Variants in BRI3BP observed in about 807,000 individuals in gnomAD.
BRI3BP encodes BRI3 binding protein.
A neutral mutation model predicts 15.8 loss-of-function variants in BRI3BP; 7 were observed. That is an observed-to-expected ratio of 0.44 (90% CI 0.25 to 0.83). BRI3BP has a LOEUF of 0.83. BRI3BP is among the 40% of genes least tolerant of loss of function. The pLI is 0.20. For synonymous variants in BRI3BP, 192 were observed against 163.5 expected, an observed-to-expected ratio of 1.17 and a Z score of -1.33; for missense variants, 320 against 339.3, an observed-to-expected ratio of 0.94 and a Z score of 0.45.
chr12:125,032,415 G>A (rs1248445520), downstream of BRI3BP, among the ~76,000 whole-genome samples: 23 of 151,698 alleles, frequency 1.5e-4, no homozygotes, highest in Admixed American at 1.5e-3. Context: ...CTGAAATCGC[G>A]CCACTGCACT....
intron 1 of BRI3BP, among the ~76,000 whole-genome samples, chr12:125,000,895 A>G (rs1442696286): frequency 1.3e-5 from 2 of 152,316 alleles, no homozygotes; most frequent in African/African-American, 4.8e-5. Flanking sequence ...AATATAGTAC[A>G]GTATTTTGTA....
intron 1 of BRI3BP, among the ~76,000 whole-genome samples, chr12:125,003,332 A>C (rs139715284): frequency 6.6e-6 from 1 of 152,192 alleles, no homozygotes; most frequent in Non-Finnish European, 1.5e-5. Context: ...CCCAGGCTTG[A>C]AGCAATCTTG....
intron 2 of BRI3BP, among the ~76,000 whole-genome samples, chr12:125,014,284 C>T (rs563142522): frequency 6.6e-6 from 1 of 152,298 alleles, no homozygotes; most frequent in South Asian, 2.1e-4. Context: ...TTTCCAGCCC[C>T]ACCGCCCTGG....
intron 1 of BRI3BP, among the ~76,000 whole-genome samples, chr12:125,008,607 G>A (rs1955170014): frequency 6.6e-6 from 1 of 151,658 alleles, no homozygotes; most frequent in African/African-American, 2.4e-5. Context: ...CACCACGCCT[G>A]GCCACCCTCC....
chr12:125,011,508 C>A (rs1478550667), intron 1 of BRI3BP, among the ~76,000 whole-genome samples: 1 of 152,114 alleles, frequency 6.6e-6, no homozygotes, highest in African/African-American at 2.4e-5. Context: ...ATCTCCAAGA[C>A]AGAGTGTTGC....
chr12:125,032,620 T>G (rs994469968), downstream of BRI3BP, among the ~76,000 whole-genome samples: 1 of 151,912 alleles, frequency 6.6e-6, no homozygotes, highest in Non-Finnish European at 1.5e-5. Flanking sequence ...GTAAATAAAT[T>G]AGTTGGGTGC....
chr12:125,022,541 A>ATTTATTTTTATTTTTATTT, intron 2 of BRI3BP, among the ~76,000 whole-genome samples: 1 of 139,404 alleles, frequency 7.2e-6, no homozygotes, highest in South Asian at 2.2e-4. Context: ...TTATTTATTT[A>ATTTATTTTTATTTTTATTT]TTTTTTGAGA....
intron 2 of BRI3BP, among the ~76,000 whole-genome samples, chr12:125,022,541 A>ATTTATTTTTTTTTT: frequency 5.0e-5 from 7 of 139,402 alleles, no homozygotes; most frequent in Non-Finnish European, 9.1e-5. Flanking sequence ...TTATTTATTT[A>ATTTATTTTTTTTTT]TTTTTTGAGA....
chr12:125,002,458 T>A (rs1446051765), intron 1 of BRI3BP, among the ~76,000 whole-genome samples: 2 of 146,576 alleles, frequency 1.4e-5, no homozygotes, highest in Non-Finnish European at 3.0e-5. Flanking sequence ...TTTTTTTTGT[T>A]TTGTTTTTTT....
chr12:125,006,881 C>T (rs1955148651), intron 1 of BRI3BP, among the ~76,000 whole-genome samples: 1 of 152,156 alleles, frequency 6.6e-6, no homozygotes, highest in Non-Finnish European at 1.5e-5. Flanking sequence ...TTCTTTTTCC[C>T]TCCATTTGAA....
rs10572574 is a variant in BRI3BP at position 125,029,360 on chromosome 12, C to CAAAAAAAAAAAAA, written c.*3941_*3953dup. The CAAAAAAAAAAAAA allele has an allele frequency of 2.5e-5, 2 of 78,688 alleles. No homozygotes were observed. The highest frequency in any genetic ancestry group is 5.0e-4 in the South Asian group (1 of 1,998). The allele number at this position is 78,688 out of a possible 1,614,324, so 4.9% of individuals were successfully genotyped here. A position where few individuals can be genotyped will look rare whatever the true frequency, so the allele number is the denominator to read the frequency against. ...GAAATCCCGTCTCTACCAAAAAATACAAAAAAAAAAAAAAAAAAAAAAATA... is the reference window on the plus strand; with the variant it reads ...GAAATCCCGTCTCTACCAAAAAATACAAAAAAAAAAAAAAAAAAAAAAAAAAAAAAAAAAAATA... On this transcript the variant is annotated 3_prime_UTR_variant, in exon 3 of 3. Transcript: ENST00000341446.
chr12:125,037,570 G>T, the BRI3BP span, among the ~76,000 whole-genome samples: 1 of 151,914 alleles, frequency 6.6e-6, no homozygotes, highest in East Asian at 2.0e-4. Flanking sequence ...CCGGCACTTT[G>T]GGAGGCCAAG....
chr12:124,999,693 C>T (rs571413474), intron 1 of BRI3BP, among the ~76,000 whole-genome samples: 4 of 150,724 alleles, frequency 2.7e-5, no homozygotes, highest in African/African-American at 4.9e-5. Flanking sequence ...TTTCGGCTCA[C>T]TGCAAGCTCC....
the BRI3BP span, among the ~76,000 whole-genome samples, chr12:125,048,726 T>TA: frequency 5.3e-4 from 78 of 147,058 alleles, 1 homozygote; most frequent in Middle Eastern, 7.0e-3. Context: ...AAATAATAAT[T>TA]AAAAAAAAAA....
chr12:124,997,366 C>G (rs549775775), intron 1 of BRI3BP, among the ~76,000 whole-genome samples: 2 of 151,398 alleles, frequency 1.3e-5, no homozygotes, highest in East Asian at 3.9e-4. Context: ...CAGGCAGATG[C>G]CACCACGACC....
At chr12:125,002,276 GA>G (rs1411734960) in intron 1 of BRI3BP, among the ~76,000 whole-genome samples, 1 of 151,776 alleles carries the variant, frequency 6.6e-6, no homozygotes, top group Non-Finnish European at 1.5e-5. Context: ...ACACTTTGGG[GA>G]ACCGTCACCC....
Position 125,029,569 on chromosome 12 carries a change from TA to T in BRI3BP, c.*4140del, listed in dbSNP as rs1333829233. On this transcript the variant is annotated 3_prime_UTR_variant, in exon 3 of 3. Transcript: ENST00000341446. ...AAGTGTGTGTGTGTGTATATATATG[TA>T]TATATATATACACACACACACACTT... is the stretch of plus-strand genomic sequence containing the variant. 1.4e-5 allele frequency: 2 copies of T among 138,022 alleles called. No homozygotes were observed. Among genetic ancestry groups the T allele is most frequent in the Non-Finnish European group, 3.0e-5 (2 of 66,796 alleles). 8.5% of individuals were successfully genotyped at this position (138,022 alleles called of 1,614,324 possible). A position where few individuals can be genotyped will look rare whatever the true frequency, so the allele number is the denominator to read the frequency against.
the BRI3BP span, among the ~76,000 whole-genome samples, chr12:125,042,625 C>G: frequency 6.6e-6 from 1 of 151,976 alleles, no homozygotes; most frequent in African/African-American, 2.4e-5. Flanking sequence ...ACCTCTGCCT[C>G]CTGGGTTCAA....
intron 2 of BRI3BP, among the ~76,000 whole-genome samples, chr12:125,020,936 A>C (rs891178490): frequency 2.6e-5 from 4 of 152,220 alleles, no homozygotes; most frequent in African/African-American, 9.6e-5. Flanking sequence ...CTAATTAAAA[A>C]CTACCTAATT....
Sources: allele counts gnomAD v4.1 joint callset (sites outside exome capture counted in the v4.1 genomes callset), GRCh38; gene constraint gnomAD v4.1.1; transcripts MANE v1.5; gene names NCBI Gene and HGNC (gene_info 2026-07-23, HGNC 2026-07-21).